The following CISD2 variants were observed in gnomAD, a reference collection of about 807,000 sequenced individuals.
CISD2 encodes the protein CDGSH iron sulfur domain 2.
A neutral mutation model predicts 12.9 loss-of-function variants in CISD2; 1 was observed. The observed-to-expected ratio is 0.08, with a 90% CI of 0.03 to 0.37. CISD2 has a LOEUF of 0.37. Ranked by LOEUF, CISD2 falls within the 10% of genes least tolerant of loss-of-function variation. The probability of loss-of-function intolerance (pLI) is 0.99; values close to 1 mark genes in which losing one functional copy is unlikely to be tolerated. For synonymous variants in CISD2, 50 were observed against 60.6 expected (o/e 0.83, Z 0.81); for missense variants, 97 against 163.1 (o/e 0.59, Z 2.21).
At chr4:102,883,256 G>T (rs2110398354) in intron 1 of CISD2, among the ~76,000 whole-genome samples, 1 of 152,218 alleles carries the variant, frequency 6.6e-6, no homozygotes, top group South Asian at 2.1e-4. Context: ...TATTTCTCCA[G>T]TCAATATTTC....
chr4:102,887,161 G>A (rs1386671231), intron 2 of CISD2, among the ~76,000 whole-genome samples, 180 bp from the exon 3 acceptor site: 1 of 152,100 alleles, frequency 6.6e-6, no homozygotes, highest in Non-Finnish European at 1.5e-5. Context: ...TGAAGTAACT[G>A]TTTAAATTGT....
chr4:102,879,932 T>C (rs1039708509), intron 1 of CISD2, among the ~76,000 whole-genome samples: 1 of 152,098 alleles, frequency 6.6e-6, no homozygotes, highest in African/African-American at 2.4e-5. Flanking sequence ...TCTCTTTTTC[T>C]TTTATTTTTT....
At chr4:102,874,652 G>A (rs1733548419) in intron 1 of CISD2, 1 of 152,098 alleles carries the variant, frequency 6.6e-6, no homozygotes, top group Non-Finnish European at 1.5e-5. Flanking sequence ...CTTGATTTTG[G>A]ACTTCTCGCC....
chr4:102,877,700 T>G (rs1216269000), intron 1 of CISD2, among the ~76,000 whole-genome samples: 4 of 152,246 alleles, frequency 2.6e-5, no homozygotes, highest in African/African-American at 9.6e-5. Flanking sequence ...ACCCCTGCAG[T>G]AGACTTCTGC....
Position 102,891,793 on chromosome 4 carries a change from T to C in CISD2, c.*4363T>C, listed in dbSNP as rs1429279682. On this transcript the variant is annotated 3_prime_UTR_variant, in exon 3 of 3. Transcript: ENST00000273986. Reference sequence around the variant, plus strand: ...TAGCAATTTAAGTCATAATAAATTTTGTTAGATGACTTCTTCCACTTTAGG... The same window carrying C: ...TAGCAATTTAAGTCATAATAAATTTCGTTAGATGACTTCTTCCACTTTAGG... The C allele has an allele frequency of 6.6e-6, 1 of 152,204 alleles. No homozygotes were observed. Among genetic ancestry groups the C allele is most frequent in the African/African-American group, 2.4e-5 (1 of 41,454 alleles). 9.4% of individuals were successfully genotyped at this position (152,204 alleles called of 1,614,324 possible). A position where few individuals can be genotyped will look rare whatever the true frequency, so the allele number is the denominator to read the frequency against.
chr4:102,870,531 T>G (rs957238519), intron 1 of CISD2, among the ~76,000 whole-genome samples: 4 of 152,214 alleles, frequency 2.6e-5, no homozygotes, highest in African/African-American at 9.7e-5. Flanking sequence ...TAATATTTTT[T>G]AAATATTAAG....
At chr4:102,885,749 A>G (rs1002913812) in intron 2 of CISD2, among the ~76,000 whole-genome samples, 2 of 152,220 alleles carry the variant, frequency 1.3e-5, no homozygotes, top group African/African-American at 4.8e-5. Flanking sequence ...GTCATAGTAA[A>G]TAGTGGTCAA....
At chr4:102,882,473 T>C (rs1248575952) in intron 1 of CISD2, among the ~76,000 whole-genome samples, 1 of 152,148 alleles carries the variant, frequency 6.6e-6, no homozygotes, top group East Asian at 1.9e-4. Flanking sequence ...CTCAGGTACA[T>C]GAAGAGACCA....
rs757279249 is a variant in CISD2, at chr4:102,891,092, A to G, written c.*3662A>G. On this transcript the variant is annotated 3_prime_UTR_variant, in exon 3 of 3. Coordinates refer to ENST00000273986, the MANE Select transcript of CISD2 (RefSeq NM_001008388.5). Reference sequence around the variant, plus strand: ...AATGATGTATGTGTTTACATATTACATCTACTTTATTAACAATTTTCCCTC... The same window carrying G: ...AATGATGTATGTGTTTACATATTACGTCTACTTTATTAACAATTTTCCCTC... 6.6e-6 allele frequency: 1 copy of G among 151,328 alleles called. No individual in the cohort carries two copies. The highest frequency in any genetic ancestry group is 1.5e-5 in the Non-Finnish European group (1 of 68,036). The allele number at this position is 151,328 out of a possible 1,614,324, so 9.4% of individuals were successfully genotyped here.
intron 1 of CISD2, among the ~76,000 whole-genome samples, chr4:102,881,536 T>A (rs72935536): frequency 0.018 from 2,798 of 152,342 alleles, 81 homozygotes; most frequent in African/African-American, 0.061. Context: ...AAAATATCAC[T>A]TGTACCCCAT....
intron 1 of CISD2, among the ~76,000 whole-genome samples, chr4:102,872,708 A>T (rs1477468667): frequency 6.6e-6 from 1 of 152,188 alleles, no homozygotes; most frequent in Non-Finnish European, 1.5e-5. Context: ...TAATAATAGT[A>T]TTTATATGTC....
At chr4:102,872,322 G>A (rs1382738974) in intron 1 of CISD2, among the ~76,000 whole-genome samples, 2 of 152,100 alleles carry the variant, frequency 1.3e-5, no homozygotes, top group African/African-American at 4.8e-5. Flanking sequence ...CGTCTGCCTC[G>A]GCCGCCCAAA....
chr4:102,869,039 C>G lies in CISD2; in HGVS notation c.-46C>G. The G allele has an allele frequency of 6.4e-7, 1 of 1,572,904 alleles. No individual in the cohort carries two copies. Among genetic ancestry groups the G allele is most frequent in the Non-Finnish European group, 8.6e-7 (1 of 1,160,708 alleles). ...TCCCGGCGCAGGCGCGGCAGCTTGG[C>G]CAGAGCGGAGGGGGCTCGGGAGAGG... On this transcript the variant is annotated 5_prime_UTR_variant, in exon 1 of 3. Coordinates refer to ENST00000273986, the MANE Select transcript of CISD2 (RefSeq NM_001008388.5).
intron 1 of CISD2, among the ~76,000 whole-genome samples, chr4:102,884,863 T>C (rs1733823491): frequency 6.8e-6 from 1 of 146,798 alleles, no homozygotes; most frequent in South Asian, 2.1e-4. Flanking sequence ...AATGTTTTCT[T>C]AACTTATAAA....
chr4:102,886,018 T>C (rs534186574), intron 2 of CISD2, among the ~76,000 whole-genome samples: 1 of 152,292 alleles, frequency 6.6e-6, no homozygotes, highest in East Asian at 1.9e-4. Flanking sequence ...CATAGATTAT[T>C]TGAGGTTTTT....
intron 1 of CISD2, among the ~76,000 whole-genome samples, chr4:102,884,415 A>G (rs1405702887): frequency 6.6e-6 from 1 of 152,212 alleles, no homozygotes; most frequent in Non-Finnish European, 1.5e-5. Flanking sequence ...TTCGGCATTC[A>G]GTGAAGGAAG....
At chr4:102,878,191 A>C (rs563772809) in intron 1 of CISD2, among the ~76,000 whole-genome samples, 74 of 152,266 alleles carry the variant, frequency 4.9e-4, no homozygotes, top group African/African-American at 1.7e-3. Context: ...GCTGGAGTGC[A>C]GTGACACAAT....
At position 102,889,795 on chromosome 4, in the gene CISD2, A is replaced by T. The variant is rs1183999212; in HGVS notation, c.*2365A>T. 2 of 152,184 alleles carry T rather than the reference A, an allele frequency of 1.3e-5. No individual in the cohort carries two copies. The highest frequency in any genetic ancestry group is 1.3e-4 in the Admixed American group (2 of 15,278). The allele number at this position is 152,184 out of a possible 1,614,324, so 9.4% of individuals were successfully genotyped here. ...TAGCAGTTTGCATTACTTCTTGTAA[A>T]TTTACACAATTTTATCTTGTCCATC... On this transcript the variant is annotated 3_prime_UTR_variant, in exon 3 of 3. Transcript: ENST00000273986.
At chr4:102,870,299 C>G (rs935707828) in intron 1 of CISD2, among the ~76,000 whole-genome samples, 10 of 151,934 alleles carry the variant, frequency 6.6e-5, no homozygotes, top group African/African-American at 2.2e-4. Context: ...GAATTTCAGT[C>G]TAAGGAAGAT....
Sources: gnomAD v4.1 joint callset for allele counts (sites outside exome capture counted in the v4.1 genomes callset) on GRCh38, gnomAD v4.1.1 for gene constraint, MANE v1.5 for transcripts, NCBI Gene and HGNC (gene_info 2026-07-23, HGNC 2026-07-21) for gene names.